The following CAP2 variants were observed in gnomAD, a reference collection of about 807,000 sequenced individuals.
CAP2 encodes the protein cyclase associated actin cytoskeleton regulatory protein 2.
CAP2 carries 24 observed loss-of-function variants against 57.7 expected under a neutral mutation model. The ratio of observed to expected loss-of-function variants is 0.42; its 90% CI spans 0.30 to 0.58. The LOEUF is 0.58. Ranked by LOEUF, CAP2 falls within the 20% of genes least tolerant of loss-of-function variation. CAP2 has a pLI of 0.22. For missense variants in CAP2, 501 were observed against 590.3 expected (o/e 0.85, Z 1.57); for synonymous variants, 194 against 207.2 (o/e 0.94, Z 0.55).
intron 4 of CAP2, among the ~76,000 whole-genome samples, chr6:17,481,778 T>C (rs1761293324): frequency 6.6e-6 from 1 of 152,192 alleles, no homozygotes; most frequent in Admixed American, 6.5e-5. Context: ...GGCAAGTACC[T>C]TCTCTTGGCC....
chr6:17,541,329 C>T (rs1171189372), intron 9 of CAP2, among the ~76,000 whole-genome samples, 181 bp downstream of exon 9: 1 of 151,872 alleles, frequency 6.6e-6, no homozygotes, highest in East Asian at 1.9e-4. Flanking sequence ...GTGTAATGAT[C>T]GGCACTTTGG....
chr6:17,507,438 C>A, intron 5 of CAP2, 126 bp downstream of exon 5: 1 of 1,019,904 alleles, frequency 9.8e-7, no homozygotes, highest in Admixed American at 2.3e-5. Flanking sequence ...TGAATGCATC[C>A]ACTTTCTCCT....
intron 3 of CAP2, among the ~76,000 whole-genome samples, chr6:17,433,075 G>A (rs1581513463): frequency 6.6e-6 from 1 of 151,494 alleles, no homozygotes; most frequent in Non-Finnish European, 1.5e-5. Context: ...GTGTGTTAAA[G>A]ATCTCAGCAA....
chr6:17,411,019 A>G (rs776502928), intron 1 of CAP2, among the ~76,000 whole-genome samples: 1 of 150,240 alleles, frequency 6.7e-6, no homozygotes. Flanking sequence ...CCTTTCCTGG[A>G]TATTTCTTAT....
chr6:17,394,337 C>T (rs1758618637), intron 1 of CAP2, among the ~76,000 whole-genome samples: 1 of 152,120 alleles, frequency 6.6e-6, no homozygotes, highest in Non-Finnish European at 1.5e-5. Flanking sequence ...AAAACGGCAC[C>T]CGCCGCTGGC....
At chr6:17,429,871 C>T (rs1251584292) in intron 3 of CAP2, among the ~76,000 whole-genome samples, 4 of 152,202 alleles carry the variant, frequency 2.6e-5, no homozygotes, top group Admixed American at 6.5e-5. Flanking sequence ...TTTTTTCTCT[C>T]GCTTACAGAA....
intron 4 of CAP2, among the ~76,000 whole-genome samples, chr6:17,504,469 C>A (rs1350383737): frequency 6.6e-6 from 1 of 152,176 alleles, no homozygotes; most frequent in Non-Finnish European, 1.5e-5. Flanking sequence ...AGAGAAGAAA[C>A]CTGTATGTAG....
intron 4 of CAP2, among the ~76,000 whole-genome samples, chr6:17,486,406 C>T (rs1008116948): frequency 1.3e-5 from 2 of 151,948 alleles, no homozygotes; most frequent in Non-Finnish European, 2.9e-5. Context: ...GAATTCAAGA[C>T]CAGCCTGGGC....
intron 4 of CAP2, among the ~76,000 whole-genome samples, chr6:17,495,182 A>C (rs1444042903): frequency 1.3e-5 from 2 of 152,192 alleles, no homozygotes; most frequent in Non-Finnish European, 2.9e-5. Flanking sequence ...TGACTAATAC[A>C]TGCCCCTTGC....
rs369314372 is a variant in CAP2, at chr6:17,438,072, A to G, written c.222+11382A>G. ...ATTGTCACTATGGCATTATGACTAG[A>G]TTATAACATTGCTGGCCAGGCGTGG... On this transcript the variant is annotated intron_variant, in intron 3 of 12. Transcript: ENST00000229922. Among the ~76,000 whole-genome samples the G allele has an allele frequency of 4.8e-5, 7 of 146,300 alleles. No homozygotes were observed. The South Asian group carries it at 6.3e-4, about 13-fold the overall frequency.
At chr6:17,452,149 A>T (rs1433945598) in intron 3 of CAP2, among the ~76,000 whole-genome samples, 6 of 152,210 alleles carry the variant, frequency 3.9e-5, no homozygotes, top group Non-Finnish European at 8.8e-5. Context: ...AGCAGGGTAT[A>T]GGTATTTCAG....
intron 4 of CAP2, among the ~76,000 whole-genome samples, chr6:17,480,952 A>ATTTTTTTTTTT (rs59581120): frequency 4.2e-5 from 3 of 70,728 alleles, no homozygotes; most frequent in Non-Finnish European, 7.8e-5. Context: ...CTAATTTTGT[A>ATTTTTTTTTTT]TTTTTTTTTT....
intron 11 of CAP2, among the ~76,000 whole-genome samples, chr6:17,550,338 C>A (rs868302878): frequency 1.2e-4 from 17 of 146,878 alleles, no homozygotes; most frequent in African/African-American, 4.0e-4. Flanking sequence ...CATATATGTG[C>A]TGTATTATTA....
intron 4 of CAP2, among the ~76,000 whole-genome samples, chr6:17,506,578 C>T (rs1257400614): frequency 2.6e-5 from 4 of 151,406 alleles, no homozygotes; most frequent in African/African-American, 7.3e-5. Flanking sequence ...AGGCGGAGGT[C>T]GCAGTGAGCC....
At chr6:17,530,818 CTT>C (rs35589543) in intron 7 of CAP2, 447 of 532,472 alleles carry the variant, frequency 8.4e-4, no homozygotes, top group Middle Eastern at 2.9e-3. Flanking sequence ...TGGTCTCCCA[CTT>C]TTTTTTTTTT....
rs936958569 is a variant in CAP2 at position 17,455,718 on chromosome 6, G to C, written c.223-7278G>C. 3.3e-5 allele frequency among the ~76,000 whole-genome samples: 5 copies of C among 152,152 alleles called. No individual in the cohort carries two copies. The South Asian group carries it at 1.0e-3, about 32-fold the overall frequency. ...GCCCGGCTAATTTTTTGTATTTTTA[G>C]TAGAGATGGGGTTTCACCATATTAG... On this transcript the variant is annotated intron_variant, in intron 3 of 12. Transcript: ENST00000229922.
chr6:17,404,752 C>T (rs1233679636), intron 1 of CAP2, among the ~76,000 whole-genome samples: 1 of 132,172 alleles, frequency 7.6e-6, no homozygotes, highest in African/African-American at 2.9e-5. Context: ...GCCTGGGTGA[C>T]AGTGTGAGAC....
intron 7 of CAP2, among the ~76,000 whole-genome samples, chr6:17,519,789 C>G (rs11967301): frequency 8.5e-5 from 13 of 152,312 alleles, no homozygotes; most frequent in African/African-American, 2.9e-4. Context: ...CTACAAAACT[C>G]TTCATTTCTG....
At chr6:17,536,113 G>A (rs560149742) in intron 7 of CAP2, 38 of 439,366 alleles carry the variant, frequency 8.6e-5, no homozygotes, top group East Asian at 7.7e-4. Context: ...GTGAGCCTCC[G>A]CGCCCAGCCT....
Sources: allele counts gnomAD v4.1 joint callset (sites outside exome capture counted in the v4.1 genomes callset), GRCh38; gene constraint gnomAD v4.1.1; transcripts MANE v1.5; gene names NCBI Gene and HGNC (gene_info 2026-07-23, HGNC 2026-07-21).